HELZ: variants seen among roughly 807,000 people sequenced by gnomAD.
HELZ encodes helicase with zinc finger, also known as ATP-dependent RNA helicase with zinc finger domain.
In HELZ, 23 loss-of-function variants were observed where a neutral mutation model predicts 218.2. The ratio of observed to expected loss-of-function variants is 0.11; its 90% CI spans 0.08 to 0.15. HELZ has a LOEUF of 0.15. HELZ is among the 10% of genes least tolerant of loss of function. The pLI is 1.00. For synonymous variants in HELZ, 814 were observed against 829.4 expected (o/e 0.98, Z 0.32); for missense variants, 1,813 against 2,353.7 (o/e 0.77, Z 4.75).
chr17:67,220,212 T>A (rs568989473), intron 3 of HELZ, among the ~76,000 whole-genome samples: 1 of 152,224 alleles, frequency 6.6e-6, no homozygotes, highest in Non-Finnish European at 1.5e-5. Context: ...CTGCTGCCAA[T>A]AAACTGCAGT....
At chr17:67,180,378 T>C (rs573341152) in intron 12 of HELZ, among the ~76,000 whole-genome samples, 1 of 152,064 alleles carries the variant, frequency 6.6e-6, no homozygotes, top group African/African-American at 2.4e-5. Context: ...ATACTCTGGA[T>C]TGATGGTCTG....
chr17:67,245,363 G>C (rs2041455969), upstream of HELZ: 1 of 722,898 alleles, frequency 1.4e-6, no homozygotes, highest in South Asian at 6.1e-5. Flanking sequence ...CCTCCCCCGG[G>C]CTGACGGCAT....
intron 25 of HELZ, 148 bp downstream of exon 25, chr17:67,123,815 C>CTGTGGGTGTG: frequency 3.7e-6 from 2 of 534,092 alleles, no homozygotes; most frequent in Non-Finnish European, 3.3e-6. Context: ...TCCAAAGTGA[C>CTGTGGGTGTG]TGTGTGTGTG....
intron 22 of HELZ, among the ~76,000 whole-genome samples, chr17:67,136,912 T>C (rs1463921142): frequency 6.6e-6 from 1 of 152,180 alleles, no homozygotes; most frequent in African/African-American, 2.4e-5. Context: ...ACAGAACTTA[T>C]GTGCATAAAA....
upstream of HELZ, chr17:67,245,294 C>A: frequency 1.1e-6 from 1 of 909,482 alleles, no homozygotes; most frequent in South Asian, 4.9e-5. Context: ...CCGCGCCTCC[C>A]GCCCGGAAAG....
rs1427645299 is a variant in HELZ, at chr17:67,243,820, T to C, written c.-112A>G. 1 of 167,430 alleles carries C rather than the reference T, an allele frequency of 6.0e-6. No homozygotes were observed. The highest frequency in any genetic ancestry group is 1.2e-5 in the Non-Finnish European group (1 of 81,994). The allele number at this position is 167,430 out of a possible 1,614,324, so 10.4% of individuals were successfully genotyped here. On this transcript the variant is annotated 5_prime_UTR_variant, in exon 2 of 33. Coordinates refer to ENST00000358691, the MANE Select transcript of HELZ (RefSeq NM_014877.4). ...CACCAGCACTGTAGTTCATTAGTGA[T>C]CCATTACTTCATCCAAATCCTGAGG...
intron 3 of HELZ, among the ~76,000 whole-genome samples, chr17:67,227,644 T>C (rs1257231110): frequency 6.6e-6 from 1 of 152,114 alleles, no homozygotes; most frequent in Non-Finnish European, 1.5e-5. Flanking sequence ...ATGATTGAGC[T>C]CTCTTGGCAA....
At chr17:67,120,319 A>C in intron 27 of HELZ, 86 bp downstream of exon 27, 1 of 1,101,820 alleles carries the variant, frequency 9.1e-7, no homozygotes, top group Non-Finnish European at 1.4e-6. Flanking sequence ...AAAGTTAACA[A>C]TCATACTGTT....
At position 67,160,919 on chromosome 17, in the gene HELZ, T is replaced by C; in HGVS notation, c.2053A>G (p.Ile685Val). ...CACCTAGTCTCCTGTTGCTGCAGAA[T>C]ATGTTTGACAGCCTGAGCTAGAGTG... ...TFTLAQAVKH[I>V]LQQQETRILI... Residue 685 changes from isoleucine to valine, a missense_variant, in exon 16 of 33, where the codon ATT becomes GTT. Transcript: ENST00000358691. 6.2e-7 allele frequency: 1 copy of C among 1,608,064 alleles called. No homozygotes were observed. Among genetic ancestry groups the C allele is most frequent in the Non-Finnish European group, 8.5e-7 (1 of 1,177,212 alleles).
chr17:67,216,663 C>T (rs1041611797), intron 4 of HELZ, among the ~76,000 whole-genome samples: 1 of 151,994 alleles, frequency 6.6e-6, no homozygotes, highest in Admixed American at 6.6e-5. Flanking sequence ...TTTAAGCAGA[C>T]TTTCACCCAC....
chr17:67,090,860 T>C (rs567932626), intron 31 of HELZ, among the ~76,000 whole-genome samples: 1 of 152,194 alleles, frequency 6.6e-6, no homozygotes, highest in African/African-American at 2.4e-5. Flanking sequence ...TGCTTTTCTG[T>C]TTTGAATTGT....
At chr17:67,195,717 CAGAAG>C (rs2040004803) in intron 7 of HELZ, among the ~76,000 whole-genome samples, 1 of 151,982 alleles carries the variant, frequency 6.6e-6, no homozygotes, top group East Asian at 1.9e-4. Context: ...TAGCTGGCAG[CAGAAG>C]AGAAGTCCAA....
chr17:67,119,738 C>G (rs188475087), intron 27 of HELZ, among the ~76,000 whole-genome samples: 1 of 152,084 alleles, frequency 6.6e-6, no homozygotes, highest in African/African-American at 2.4e-5. Context: ...TAGTACACCA[C>G]AAAAATATTT....
At chr17:67,171,317 T>C (rs2039305149) in intron 13 of HELZ, among the ~76,000 whole-genome samples, 1 of 151,774 alleles carries the variant, frequency 6.6e-6, no homozygotes, top group Non-Finnish European at 1.5e-5. Context: ...ACTCAGTATA[T>C]GCAAAACTGA....
At chr17:67,149,496 C>T (rs2038608501) in intron 19 of HELZ, among the ~76,000 whole-genome samples, 1 of 152,042 alleles carries the variant, frequency 6.6e-6, no homozygotes, top group African/African-American at 2.4e-5. Flanking sequence ...AAAATTACTC[C>T]TTCAGGTAAA....
chr17:67,078,377 C>T lies in HELZ; in HGVS notation c.5704G>A (p.Ala1902Thr), dbSNP rs993018591. 13 of 1,610,380 alleles carry T rather than the reference C, an allele frequency of 8.1e-6. No homozygotes were observed. In the African/African-American group the frequency reaches 1.6e-4, roughly 20 times the overall value. The change falls in exon 33 of 33, where the codon GCC becomes ACC. Residue 1902 changes from alanine to threonine, a missense_variant. Around this residue, in one of 4 missense-constraint regions of HELZ, gnomAD observed 938 missense variants for 1,027.5 expected, o/e 0.91. Coordinates refer to ENST00000358691, the MANE Select transcript of HELZ (RefSeq NM_014877.4). ...GGAGGGGGCCTGGGCTTTGGAGGGG[C>T]CCGCAGAGCGCTGGCATAGGACATG... ...PAMSYASALR[A>T]PPKPRPPPEQ... is the part of the protein sequence containing the mutation.
intron 32 of HELZ, among the ~76,000 whole-genome samples, chr17:67,085,343 G>A (rs2036336298): frequency 6.6e-6 from 1 of 152,086 alleles, no homozygotes; most frequent in African/African-American, 2.4e-5. Flanking sequence ...GATCATTTGA[G>A]CCTGGGGTGT....
At chr17:67,221,126 G>T (rs1253511584) in intron 3 of HELZ, among the ~76,000 whole-genome samples, 1 of 152,286 alleles carries the variant, frequency 6.6e-6, no homozygotes, top group South Asian at 2.1e-4. Context: ...ACTAACTCAT[G>T]ATATAGTCCA....
intron 15 of HELZ, among the ~76,000 whole-genome samples, chr17:67,163,729 G>A (rs1013944256): frequency 6.6e-6 from 1 of 151,420 alleles, no homozygotes; most frequent in Admixed American, 6.6e-5. Flanking sequence ...ATAGAGATGG[G>A]GTCTATGTTG....
Sources: gnomAD v4.1 joint callset for allele counts (sites outside exome capture counted in the v4.1 genomes callset) on GRCh38, gnomAD v4.1.1 for gene constraint, gnomAD v4.1.1 regional missense constraint, MANE v1.5 for transcripts, NCBI Gene and HGNC (gene_info 2026-07-23, HGNC 2026-07-21) for gene names.